Variants in DACH2 observed in about 807,000 individuals in gnomAD.
The protein encoded by DACH2 is dachshund family transcription factor 2.
A neutral mutation model predicts 35.8 loss-of-function variants in DACH2; 17 were observed. The observed-to-expected ratio is 0.48, with a 90% CI of 0.33 to 0.71. DACH2 has a LOEUF of 0.71. Ranked by LOEUF, DACH2 falls within the 30% of genes least tolerant of loss-of-function variation. DACH2 has a pLI of 0.02. For synonymous variants in DACH2, 195 were observed against 177.3 expected (o/e 1.10, Z -0.79); for missense variants, 469 against 472.7 (o/e 0.99, Z 0.07).
At chrX:86,647,427 G>C (rs1330808702) in intron 3 of DACH2, among the ~76,000 whole-genome samples, 2 of 110,726 alleles carry the variant, frequency 1.8e-5, no homozygotes, top group African/African-American at 6.5e-5. Context: ...AAGTCATACA[G>C]AGGGACAAAC....
At chrX:86,337,945 A>G (rs1231005386) in intron 1 of DACH2, among the ~76,000 whole-genome samples, 2 of 111,434 alleles carry the variant, frequency 1.8e-5, no homozygotes, top group African/African-American at 6.6e-5. Context: ...TTAACTTTAA[A>G]CCAACAAAGA....
chrX:86,765,290 A>C (rs1453709012), intron 7 of DACH2, among the ~76,000 whole-genome samples: 3 of 111,464 alleles, frequency 2.7e-5, no homozygotes, highest in Non-Finnish European at 5.7e-5. Context: ...CTTAGCCATA[A>C]ATTTTTTGCC....
At chrX:86,680,593 C>T (rs1414772262) in intron 4 of DACH2, among the ~76,000 whole-genome samples, 1 of 108,597 alleles carries the variant, frequency 9.2e-6, no homozygotes, top group African/African-American at 3.4e-5. Context: ...TTAAAAGAAA[C>T]TAATGGCCTT....
intron 2 of DACH2, among the ~76,000 whole-genome samples, chrX:86,485,153 AT>A (rs1260467159): frequency 1.8e-5 from 2 of 111,935 alleles, no homozygotes; most frequent in African/African-American, 6.5e-5. Context: ...AAATTATAAA[AT>A]TTACAAGCAT....
intron 1 of DACH2, among the ~76,000 whole-genome samples, chrX:86,286,598 G>T (rs755467317): frequency 9.0e-6 from 1 of 110,666 alleles, no homozygotes; most frequent in South Asian, 3.8e-4. Flanking sequence ...TTAGTTTCTT[G>T]CTTTATATAT....
At chrX:86,758,205 A>G (rs934864392) in intron 7 of DACH2, among the ~76,000 whole-genome samples, 2 of 111,541 alleles carry the variant, frequency 1.8e-5, no homozygotes, top group African/African-American at 6.5e-5. Context: ...CAAAAAACCA[A>G]CTATGTGTTT....
chrX:86,403,304 A>G (rs1227769817), intron 2 of DACH2, among the ~76,000 whole-genome samples: 8 of 112,079 alleles, frequency 7.1e-5, no homozygotes, highest in Admixed American at 9.5e-5. Context: ...GGTCTAATAT[A>G]CAGAATCTAT....
intron 2 of DACH2, among the ~76,000 whole-genome samples, chrX:86,472,065 C>A (rs938993329): frequency 2.7e-5 from 3 of 111,747 alleles, no homozygotes; most frequent in Admixed American, 1.9e-4. Context: ...AAAATGAAAT[C>A]TAGAATGAAT....
chrX:86,242,145 G>A (rs930798173), intron 1 of DACH2, among the ~76,000 whole-genome samples: 1 of 112,234 alleles, frequency 8.9e-6, no homozygotes, highest in Non-Finnish European at 1.9e-5. Flanking sequence ...CCAGACCCCA[G>A]AATTGTAGGT....
intron 3 of DACH2, among the ~76,000 whole-genome samples, chrX:86,638,675 C>T (rs2040308549): frequency 8.9e-6 from 1 of 112,113 alleles, no homozygotes; most frequent in South Asian, 3.7e-4. Context: ...TGTCACTATT[C>T]ATCAGACAAA....
At chrX:86,599,117 T>C (rs2039752432) in intron 3 of DACH2, among the ~76,000 whole-genome samples, 1 of 111,270 alleles carries the variant, frequency 9.0e-6, no homozygotes, top group Admixed American at 9.6e-5. Context: ...TCCATGTCCC[T>C]ACAAAGGACA....
intron 1 of DACH2, among the ~76,000 whole-genome samples, chrX:86,297,881 A>G (rs903375936): frequency 9.8e-5 from 11 of 112,079 alleles, no homozygotes; most frequent in Non-Finnish European, 1.3e-4. Context: ...TAATAATTAC[A>G]TCACAACAAC....
intron 3 of DACH2, among the ~76,000 whole-genome samples, chrX:86,521,746 C>A (rs1419849524): frequency 8.9e-6 from 1 of 111,778 alleles, no homozygotes; most frequent in Non-Finnish European, 1.9e-5. Flanking sequence ...TACATAAATT[C>A]CTTCCTTAGT....
At chrX:86,804,900 T>C (rs1277082445) in intron 7 of DACH2, among the ~76,000 whole-genome samples, 1 of 112,227 alleles carries the variant, frequency 8.9e-6, no homozygotes, top group Non-Finnish European at 1.9e-5. Context: ...TTTGCAGGGT[T>C]CAACCTCCAC....
chrX:86,684,051 C>T (rs1289410812), intron 4 of DACH2, among the ~76,000 whole-genome samples: 1 of 111,309 alleles, frequency 9.0e-6, no homozygotes, highest in Non-Finnish European at 1.9e-5. Flanking sequence ...CAGTTGACCA[C>T]TACCAGTCAA....
At chrX:86,620,223 C>T (rs185193769) in intron 3 of DACH2, among the ~76,000 whole-genome samples, 56 of 111,598 alleles carry the variant, frequency 5.0e-4, no homozygotes, top group Non-Finnish European at 9.2e-4. Context: ...TCCTTTATGG[C>T]CATAACTTTT....
intron 1 of DACH2, among the ~76,000 whole-genome samples, chrX:86,314,430 A>T (rs1436769046): frequency 9.0e-6 from 1 of 110,700 alleles, no homozygotes; most frequent in Non-Finnish European, 1.9e-5. Flanking sequence ...AAATAGGAGG[A>T]TCACTTGGGC....
At chrX:86,475,235 T>C (rs2037824077) in intron 2 of DACH2, among the ~76,000 whole-genome samples, 1 of 111,665 alleles carries the variant, frequency 9.0e-6, no homozygotes, top group Admixed American at 9.5e-5. Flanking sequence ...AGAATTGATA[T>C]TGGTATTTTG....
intron 2 of DACH2, among the ~76,000 whole-genome samples, chrX:86,415,069 T>G (rs963131536): frequency 1.8e-5 from 2 of 111,970 alleles, no homozygotes; most frequent in African/African-American, 6.5e-5. Context: ...TGCAGCTATA[T>G]GGCTTTGACA....
Sources: gnomAD v4.1 joint callset for allele counts (sites outside exome capture counted in the v4.1 genomes callset) on GRCh38, gnomAD v4.1.1 for gene constraint, MANE v1.5 for transcripts, NCBI Gene and HGNC (gene_info 2026-07-23, HGNC 2026-07-21) for gene names.